Variants in KCNK9 observed in about 807,000 individuals in gnomAD.
The protein encoded by KCNK9 is potassium channel subfamily K member 9.
Under a neutral mutation model 10.8 loss-of-function variants are expected in KCNK9, and 1 was observed. The ratio of observed to expected loss-of-function variants is 0.09; its 90% CI spans 0.03 to 0.44. KCNK9 has a LOEUF of 0.44. Among genes scored for constraint, KCNK9 ranks in the 20% least tolerant of loss-of-function variants. The pLI is 0.97. For missense variants in KCNK9, 303 were observed against 515.0 expected, an observed-to-expected ratio of 0.59 and a Z score of 3.98; for synonymous variants, 231 against 222.7, an observed-to-expected ratio of 1.04 and a Z score of -0.33.
chr8:139,642,661 C>T (rs1041585735), intron 1 of KCNK9, among the ~76,000 whole-genome samples: 6 of 152,242 alleles, frequency 3.9e-5, no homozygotes, highest in Non-Finnish European at 8.8e-5. Context: ...GCAGCCACTT[C>T]CACTGCAGCT....
At chr8:139,644,665 G>A (rs906709873) in intron 1 of KCNK9, among the ~76,000 whole-genome samples, 2 of 152,076 alleles carry the variant, frequency 1.3e-5, no homozygotes, top group African/African-American at 2.4e-5. Flanking sequence ...GGCCACTCAG[G>A]AGCATGGGAC....
intron 1 of KCNK9, among the ~76,000 whole-genome samples, chr8:139,660,448 AAATATAT>A (rs1260874901): frequency 1.1e-3 from 131 of 124,510 alleles, no homozygotes; most frequent in Middle Eastern, 7.8e-3. Flanking sequence ...TGCTAAAAAA[AAATATAT>A]ATATATATAT....
intron 1 of KCNK9, among the ~76,000 whole-genome samples, chr8:139,648,721 G>A (rs1022402304): frequency 1.3e-5 from 2 of 152,220 alleles, no homozygotes; most frequent in East Asian, 1.9e-4. Context: ...CGCGGCCCCT[G>A]CCCTCAAAGA....
intron 1 of KCNK9, among the ~76,000 whole-genome samples, chr8:139,678,346 G>A (rs1321120438): frequency 3.9e-5 from 6 of 152,202 alleles, no homozygotes; most frequent in Admixed American, 3.9e-4. Flanking sequence ...TCCCTTCTGG[G>A]TGAGAGCCCT....
At chr8:139,681,588 G>A (rs1293772812) in intron 1 of KCNK9, among the ~76,000 whole-genome samples, 4 of 152,206 alleles carry the variant, frequency 2.6e-5, no homozygotes, top group African/African-American at 9.6e-5. Context: ...AACAAGGGTC[G>A]CTGGCTTTAG....
At chr8:139,668,907 C>T (rs1345221254) in intron 1 of KCNK9, among the ~76,000 whole-genome samples, 2 of 152,156 alleles carry the variant, frequency 1.3e-5, no homozygotes, top group African/African-American at 2.4e-5. Context: ...TTTTCCAGCT[C>T]ACATCTATTC....
intron 1 of KCNK9, among the ~76,000 whole-genome samples, chr8:139,642,243 C>T (rs537797595): frequency 3.1e-4 from 47 of 152,208 alleles, no homozygotes; most frequent in African/African-American, 1.0e-3. Context: ...GCAGCCTGTG[C>T]GAATGTAGTG....
intron 1 of KCNK9, 118 bp from the exon 2 acceptor site, chr8:139,619,217 G>C (rs574343657): frequency 8.6e-7 from 1 of 1,159,788 alleles, no homozygotes; most frequent in South Asian, 1.3e-5. Flanking sequence ...GGTACTGGGG[G>C]AATTTCCTCT....
At chr8:139,669,183 T>C (rs960116227) in intron 1 of KCNK9, among the ~76,000 whole-genome samples, 4 of 152,144 alleles carry the variant, frequency 2.6e-5, no homozygotes, top group African/African-American at 9.7e-5. Flanking sequence ...TGGTGAAAAG[T>C]CTTGTCTTCA....
At position 139,693,490 on chromosome 8, in the gene KCNK9, G is replaced by A. The variant is rs544888718; in HGVS notation, c.283+9220C>T. 6.6e-6 allele frequency among the ~76,000 whole-genome samples: 1 copy of A among 152,132 alleles called. No homozygotes were observed. The highest frequency in any genetic ancestry group is 6.5e-5 in the Admixed American group (1 of 15,282). On this transcript the variant is annotated intron_variant, in intron 1 of 1. Transcript: ENST00000520439. This position sits in a 1 kb window ranked among gnomAD's most constrained non-coding sequence, Gnocchi z 4.1. ...TCAGCTCTCAGCTGCTCCTGCTCTC[G>A]GGGAGCCAGGAGTACCAGCCAGTGT...
chr8:139,661,958 A>G (rs1041653086), intron 1 of KCNK9, among the ~76,000 whole-genome samples: 2 of 152,226 alleles, frequency 1.3e-5, no homozygotes, highest in Admixed American at 6.5e-5. Context: ...CACAGTCCAC[A>G]GTGGATCCTC....
intron 1 of KCNK9, among the ~76,000 whole-genome samples, chr8:139,692,981 TCACCTGAGAGGCTCACCTCAGGCC>T (rs1310086133): frequency 7.1e-6 from 1 of 141,450 alleles, no homozygotes; most frequent in Non-Finnish European, 1.6e-5. Flanking sequence ...CTCACCCTGC[TCACCTGAGAGGCTCACCTCAGGCC>T]CACCTGAGAG....
intron 1 of KCNK9, among the ~76,000 whole-genome samples, chr8:139,687,548 TCATATATATGTATA>T (rs1225558486): frequency 4.7e-5 from 6 of 127,794 alleles, no homozygotes; most frequent in African/African-American, 1.9e-4. Flanking sequence ...ACACATATAT[TCATATATATGTATA>T]CATATATTCA....
chr8:139,640,310 C>T (rs972413404), intron 1 of KCNK9, among the ~76,000 whole-genome samples: 1 of 152,236 alleles, frequency 6.6e-6, no homozygotes, highest in African/African-American at 2.4e-5. Context: ...TTACCTGCCT[C>T]TCATCCTACC....
At chr8:139,603,820 G>A (rs1026879140) in intron 2 of KCNK9, among the ~76,000 whole-genome samples, 1 of 152,190 alleles carries the variant, frequency 6.6e-6, no homozygotes, top group Non-Finnish European at 1.5e-5. Flanking sequence ...CACTAACCTG[G>A]TTCACTGAGG....
At chr8:139,616,060 G>T (rs1814580418), downstream of KCNK9, 1 of 152,150 alleles carries the variant, frequency 6.6e-6, no homozygotes, top group African/African-American at 2.4e-5. Context: ...TCTCAGTTCT[G>T]TCAACAGCCA....
At chr8:139,627,905 C>A (rs920688723) in intron 1 of KCNK9, among the ~76,000 whole-genome samples, 2 of 152,248 alleles carry the variant, frequency 1.3e-5, no homozygotes, top group Admixed American at 6.5e-5. Flanking sequence ...TCTCAAAGAG[C>A]AGCTGCTCCC....
At chr8:139,674,679 C>G (rs1427507810) in intron 1 of KCNK9, among the ~76,000 whole-genome samples, 1 of 152,222 alleles carries the variant, frequency 6.6e-6, no homozygotes, top group African/African-American at 2.4e-5. Context: ...GGTCTCTCCC[C>G]TCTTCCGTGC....
chr8:139,701,262 A>G (rs556088707), intron 1 of KCNK9, among the ~76,000 whole-genome samples: 1 of 152,304 alleles, frequency 6.6e-6, no homozygotes, highest in Non-Finnish European at 1.5e-5. Context: ...GGCAAGCAAG[A>G]GCCAAGCTGA....
Sources: allele counts gnomAD v4.1 joint callset (sites outside exome capture counted in the v4.1 genomes callset), GRCh38; gene constraint gnomAD v4.1.1; non-coding constraint Gnocchi (gnomAD v3.1); transcripts MANE v1.5; gene names NCBI Gene and HGNC (gene_info 2026-07-23, HGNC 2026-07-21).